The following DAGLA variants were observed in gnomAD, a reference collection of about 807,000 sequenced individuals.
DAGLA encodes the protein diacylglycerol lipase-alpha.
DAGLA carries 22 observed loss-of-function variants against 102.6 expected under a neutral mutation model. The ratio of observed to expected loss-of-function variants is 0.21; its 90% CI spans 0.15 to 0.31. DAGLA has a LOEUF of 0.31. DAGLA is among the 10% of genes least tolerant of loss of function. DAGLA has a pLI of 1.00. For synonymous variants in DAGLA, 578 were observed against 628.9 expected, an observed-to-expected ratio of 0.92 and a Z score of 1.21; for missense variants, 927 against 1,446.6, an observed-to-expected ratio of 0.64 and a Z score of 5.83.
chr11:61,692,598 A>G (rs1378229529), intron 1 of DAGLA, among the ~76,000 whole-genome samples: 1 of 152,126 alleles, frequency 6.6e-6, no homozygotes, highest in Non-Finnish European at 1.5e-5. Context: ...CTTTATGCAT[A>G]AACCTTTGCA....
intron 1 of DAGLA, among the ~76,000 whole-genome samples, chr11:61,706,696 G>A (rs1420785925): frequency 6.6e-6 from 1 of 152,216 alleles, no homozygotes; most frequent in Non-Finnish European, 1.5e-5. Context: ...TGTGACGCAG[G>A]CTGACCCCGC....
intron 16 of DAGLA, among the ~76,000 whole-genome samples, chr11:61,738,865 T>C (rs1226804214): frequency 7.0e-6 from 1 of 143,678 alleles, no homozygotes; most frequent in Non-Finnish European, 1.5e-5. Flanking sequence ...CCTCAGCCCA[T>C]TCACCATCTC....
chr11:61,702,347 GC>G (rs1199476538), intron 1 of DAGLA, among the ~76,000 whole-genome samples: 2 of 152,174 alleles, frequency 1.3e-5, no homozygotes, highest in Non-Finnish European at 2.9e-5. Flanking sequence ...CAAATTCCTG[GC>G]CTCTCTACCT....
chr11:61,680,873 G>A (rs1276481101), intron 1 of DAGLA, among the ~76,000 whole-genome samples: 1 of 152,208 alleles, frequency 6.6e-6, no homozygotes, highest in African/African-American at 2.4e-5. Context: ...TATGGGATAG[G>A]TGGCCAGCTC....
chr11:61,708,537 T>C (rs1041711417), intron 1 of DAGLA, among the ~76,000 whole-genome samples: 1 of 152,124 alleles, frequency 6.6e-6, no homozygotes, highest in Non-Finnish European at 1.5e-5. Flanking sequence ...CCCGCCATCA[T>C]GCCCAGCTAA....
At chr11:61,692,361 A>G (rs1212521825) in intron 1 of DAGLA, among the ~76,000 whole-genome samples, 1 of 152,154 alleles carries the variant, frequency 6.6e-6, no homozygotes, top group African/African-American at 2.4e-5. Flanking sequence ...CCTTCAGAGC[A>G]GGATTTCTGA....
At chr11:61,741,602 T>A (rs1031561143) in intron 19 of DAGLA, among the ~76,000 whole-genome samples, 11 of 149,346 alleles carry the variant, frequency 7.4e-5, no homozygotes, top group Admixed American at 7.3e-4. Context: ...AAGCACAGAT[T>A]CACTCTTTTT....
At chr11:61,741,926 C>A (rs2065484082) in intron 19 of DAGLA, among the ~76,000 whole-genome samples, 1 of 152,146 alleles carries the variant, frequency 6.6e-6, no homozygotes, top group Non-Finnish European at 1.5e-5. Context: ...CAGATTCACT[C>A]TTACACACTT....
chr11:61,734,345 G>A lies in DAGLA; in HGVS notation c.975-504G>A, dbSNP rs1011053865. On this transcript the variant is annotated intron_variant, in intron 9 of 19. Transcript: ENST00000257215. This position sits in a 1 kb window ranked among gnomAD's most constrained non-coding sequence, Gnocchi z 4.2. Reference sequence around the variant, plus strand: ...TTGGGAAGACCTCAGGAGGGTTGGGGTACACAAGCAGGGAAGGGGTTTGAG... The same window carrying A: ...TTGGGAAGACCTCAGGAGGGTTGGGATACACAAGCAGGGAAGGGGTTTGAG... 6.6e-6 allele frequency among the ~76,000 whole-genome samples: 1 copy of A among 152,036 alleles called. No homozygotes were observed.
At chr11:61,692,892 AT>A (rs201814548) in intron 1 of DAGLA, among the ~76,000 whole-genome samples, 6 of 146,916 alleles carry the variant, frequency 4.1e-5, no homozygotes, top group Non-Finnish European at 9.1e-5. Flanking sequence ...AAAAAAAAAA[AT>A]GGTAGATGCC....
Position 61,745,035 on chromosome 11 carries a change from C to A in DAGLA, c.*546C>A. 6.4e-6 allele frequency: 1 copy of A among 157,456 alleles called. No homozygotes were observed. The highest frequency in any genetic ancestry group is 1.9e-4 in the East Asian group (1 of 5,232). The allele number at this position is 157,456 out of a possible 1,614,324, so 9.8% of individuals were successfully genotyped here. A position where few individuals can be genotyped will look rare whatever the true frequency, so the allele number is the denominator to read the frequency against. On this transcript the variant is annotated 3_prime_UTR_variant, in exon 20 of 20. Transcript: ENST00000257215. ...TTTACAGAAGCTGCTGGGCTTGGCT[C>A]AGGATGTGTTCTGGGCTTGCAAGCC... is the stretch of plus-strand genomic sequence containing the variant.
At chr11:61,718,751 C>T (rs2065257632) in intron 1 of DAGLA, among the ~76,000 whole-genome samples, 1 of 152,182 alleles carries the variant, frequency 6.6e-6, no homozygotes, top group Non-Finnish European at 1.5e-5. Context: ...ACGACCCCGG[C>T]AGGCTAGCCC....
At chr11:61,705,015 G>C (rs534685332) in intron 1 of DAGLA, among the ~76,000 whole-genome samples, 1 of 151,800 alleles carries the variant, frequency 6.6e-6, no homozygotes, top group African/African-American at 2.4e-5. Flanking sequence ...GCCTGAGCTC[G>C]GGACTGGGCT....
chr11:61,710,871 GACTC>G (rs914549164), intron 1 of DAGLA, among the ~76,000 whole-genome samples: 2 of 152,184 alleles, frequency 1.3e-5, no homozygotes, highest in African/African-American at 4.8e-5. Context: ...AACTCCTCAT[GACTC>G]ACTCACTATG....
At chr11:61,720,031 G>C in intron 1 of DAGLA, 81 bp from the exon 2 acceptor site, 1 of 938,318 alleles carries the variant, frequency 1.1e-6, no homozygotes, top group Non-Finnish European at 1.6e-6. Context: ...ACCGGGGACT[G>C]GTCCCGTGGC....
rs769565314 is a variant in DAGLA at position 61,735,595 on chromosome 11, A to G, written c.1163A>G (p.His388Arg). ...YETPFYVAVD[H>R]DKKKVVISIR... ...ACGCCCTTCTACGTGGCGGTGGACC[A>G]TGACAAGAAGAAAGTGGTGATCAGT... Residue 388 changes from histidine to arginine, a missense_variant, in exon 11 of 20, where the codon CAT becomes CGT. Physicochemically the swap from His to Arg is conservative, Grantham distance 29. Coordinates refer to ENST00000257215, the MANE Select transcript of DAGLA (RefSeq NM_006133.3). 4 of 1,613,954 alleles carry G rather than the reference A, an allele frequency of 2.5e-6. No homozygotes were observed. The highest frequency in any genetic ancestry group is 3.3e-5 in the Admixed American group (2 of 59,996).
intron 16 of DAGLA, 130 bp from the exon 17 acceptor site, chr11:61,739,335 T>C: frequency 1.1e-6 from 1 of 914,820 alleles, no homozygotes; most frequent in Non-Finnish European, 1.7e-6. Flanking sequence ...CCACTGCCCT[T>C]CCCCTGCCCC....
chr11:61,731,461 C>T lies in DAGLA; in HGVS notation c.974+20C>T, dbSNP rs199877296. 22 of 1,611,484 alleles carry T rather than the reference C, an allele frequency of 1.4e-5. No individual in the cohort carries two copies. The highest frequency in any genetic ancestry group is 3.3e-5 in the South Asian group (3 of 91,010). On this transcript the variant is annotated intron_variant, in intron 9 of 19. Coordinates refer to ENST00000257215, the MANE Select transcript of DAGLA (RefSeq NM_006133.3). ...CTGCTCGTGAGTACCCCTGTCCCATCCCCCAGCGATTGCACCTCTCCTCCC... is the reference window on the plus strand; with the variant it reads ...CTGCTCGTGAGTACCCCTGTCCCATTCCCCAGCGATTGCACCTCTCCTCCC...
chr11:61,730,798 A>G (rs1342455055), intron 8 of DAGLA, among the ~76,000 whole-genome samples: 1 of 152,210 alleles, frequency 6.6e-6, no homozygotes, highest in Admixed American at 6.5e-5. Flanking sequence ...AAGGCTCCCA[A>G]TATTTGCAGT....
Sources: gnomAD v4.1 joint callset for allele counts (sites outside exome capture counted in the v4.1 genomes callset) on GRCh38, gnomAD v4.1.1 for gene constraint, Gnocchi (gnomAD v3.1) non-coding constraint, MANE v1.5 for transcripts, NCBI Gene and HGNC (gene_info 2026-07-23, HGNC 2026-07-21) for gene names.